WDPCP: variants seen among roughly 807,000 people sequenced by gnomAD.
WDPCP encodes the protein WD repeat containing planar cell polarity effector, also known as WD repeat-containing and planar cell polarity effector protein fritz homolog.
In WDPCP, 71 loss-of-function variants were observed where a neutral mutation model predicts 93.1. That is an observed-to-expected ratio of 0.76 (90% CI 0.63 to 0.93). WDPCP has a LOEUF of 0.93. WDPCP is among the 40% of genes least tolerant of loss of function. The probability of loss-of-function intolerance (pLI) is 0.00; values close to 1 mark genes in which losing one functional copy is unlikely to be tolerated. For missense variants in WDPCP, 844 were observed against 887.4 expected (o/e 0.95, Z 0.62); for synonymous variants, 315 against 315.0 (o/e 1.00, Z 0.00).
At chr2:63,411,351 C>A (rs753768645) in intron 9 of WDPCP, among the ~76,000 whole-genome samples, 2 of 152,002 alleles carry the variant, frequency 1.3e-5, no homozygotes, top group African/African-American at 4.8e-5. Context: ...AATGACACAA[C>A]CTACAAAAAC....
At chr2:63,462,179 G>A (rs1326771967) in intron 6 of WDPCP, among the ~76,000 whole-genome samples, 1 of 152,220 alleles carries the variant, frequency 6.6e-6, no homozygotes, top group Non-Finnish European at 1.5e-5. Flanking sequence ...CATAAAAAAG[G>A]ATGAGTTCAT....
At position 63,588,433 on chromosome 2, in the gene WDPCP, C is replaced by T; in HGVS notation, c.-162G>A. 2.6e-6 allele frequency: 2 copies of T among 780,258 alleles called. No homozygotes were observed. The highest frequency in any genetic ancestry group is 2.5e-4 in the Middle Eastern group (1 of 4,014). 48.3% of individuals were successfully genotyped at this position (780,258 alleles called of 1,614,324 possible). Reference sequence around the variant, plus strand: ...CCAGGGTGTGCGTGCGCTCCCGCCTCGTCGCTTAGCAACCTGAGAAGCTGT... The same window carrying T: ...CCAGGGTGTGCGTGCGCTCCCGCCTTGTCGCTTAGCAACCTGAGAAGCTGT... On this transcript the variant is annotated 5_prime_UTR_variant, in exon 1 of 18. Transcript: ENST00000272321.
intron 1 of WDPCP, among the ~76,000 whole-genome samples, chr2:63,506,723 C>G (rs1259563291): frequency 6.6e-6 from 1 of 152,050 alleles, no homozygotes; most frequent in Non-Finnish European, 1.5e-5. Context: ...ACTTAGAATT[C>G]TAGGTGCTCT....
At chr2:63,408,111 C>G (rs994516573) in intron 9 of WDPCP, among the ~76,000 whole-genome samples, 2 of 152,124 alleles carry the variant, frequency 1.3e-5, no homozygotes, top group Admixed American at 6.6e-5. Flanking sequence ...AGTGCACCTC[C>G]AGACAGAGCA....
chr2:63,253,464 G>A (rs746591497), intron 14 of WDPCP, among the ~76,000 whole-genome samples: 1 of 152,082 alleles, frequency 6.6e-6, no homozygotes, highest in Non-Finnish European at 1.5e-5. Flanking sequence ...CCTACAGAAT[G>A]AGAGAAAATA....
At chr2:63,643,923 G>A (rs147415360) in intron 3 of WDPCP, 5 of 506,532 alleles carry the variant, frequency 9.9e-6, no homozygotes, top group African/African-American at 5.8e-5. Context: ...ATGACAGGGA[G>A]GTACTTTCTC....
In WDPCP at chr2:63,769,388, G is replaced by A. The variant is rs535108864; in HGVS notation, n.308+44234C>T. Reference sequence around the variant, plus strand: ...GCATTGATCACATGACCAGGATAATGTAAAGTTTATATGGAGTATAGTTTG... The same window carrying A: ...GCATTGATCACATGACCAGGATAATATAAAGTTTATATGGAGTATAGTTTG... On this transcript the variant is annotated intron_variant and non_coding_transcript_variant, in intron 2 of 4. Transcript: ENST00000467687. 5.9e-5 allele frequency among the ~76,000 whole-genome samples: 9 copies of A among 152,104 alleles called. No individual in the cohort carries two copies. In the East Asian group the frequency reaches 1.5e-3, roughly 26 times the overall value.
chr2:63,463,149 C>CAA (rs76868317), intron 6 of WDPCP, among the ~76,000 whole-genome samples: 2 of 121,488 alleles, frequency 1.6e-5, no homozygotes, highest in Non-Finnish European at 1.8e-5. Context: ...CTGAAAGAAC[C>CAA]AAAAAAAAAA....
intron 9 of WDPCP, among the ~76,000 whole-genome samples, chr2:63,420,720 T>G (rs1240908990): frequency 6.6e-6 from 1 of 152,204 alleles, no homozygotes; most frequent in East Asian, 1.9e-4. Context: ...TTTTAAAATT[T>G]TATGTAAATG....
intron 17 of WDPCP, among the ~76,000 whole-genome samples, chr2:63,127,121 CTTTTTT>C (rs66754554): frequency 8.3e-6 from 1 of 119,852 alleles, no homozygotes. Context: ...ACATATTTAA[CTTTTTT>C]TTTTTTTTTT....
intron 6 of WDPCP, among the ~76,000 whole-genome samples, chr2:63,455,434 ATAT>A (rs1698555070): frequency 6.7e-6 from 1 of 149,948 alleles, no homozygotes; most frequent in Non-Finnish European, 1.5e-5. Flanking sequence ...ATATATATAT[ATAT>A]ATACACACAC....
chr2:63,822,857 T>TTTG (rs1671043442), intron 1 of WDPCP, among the ~76,000 whole-genome samples: 1 of 151,204 alleles, frequency 6.6e-6, no homozygotes, highest in South Asian at 2.1e-4. Flanking sequence ...TCTCTAAATA[T>TTTG]ATATATATAT....
intron 12 of WDPCP, among the ~76,000 whole-genome samples, chr2:63,370,092 T>C (rs528741367): frequency 3.3e-5 from 5 of 152,290 alleles, no homozygotes; most frequent in African/African-American, 1.2e-4. Flanking sequence ...TATACCTATA[T>C]TATGTCAATT....
intron 3 of WDPCP, among the ~76,000 whole-genome samples, chr2:63,603,003 AGGCTGGAGTGCAATG>A (rs1709457377): frequency 6.9e-6 from 1 of 144,738 alleles, no homozygotes; most frequent in African/African-American, 2.5e-5. Flanking sequence ...CCTGTCGCCT[AGGCTGGAGTGCAATG>A]GCACGATCTC....
At chr2:63,432,463 C>T (rs1329527589) in intron 9 of WDPCP, among the ~76,000 whole-genome samples, 1 of 151,988 alleles carries the variant, frequency 6.6e-6, no homozygotes, top group Non-Finnish European at 1.5e-5. Flanking sequence ...ATTCATATCC[C>T]CTGGTATGAA....
At chr2:63,799,420 C>A (rs577268727) in intron 2 of WDPCP, among the ~76,000 whole-genome samples, 93 of 152,272 alleles carry the variant, frequency 6.1e-4, no homozygotes, top group African/African-American at 2.0e-3. Context: ...TGCCCAAGAT[C>A]TCAGAGTTAG....
intron 1 of WDPCP, among the ~76,000 whole-genome samples, chr2:63,512,091 G>A (rs1702272209): frequency 1.3e-5 from 2 of 152,096 alleles, no homozygotes; most frequent in Non-Finnish European, 2.9e-5. Flanking sequence ...GATATAAACA[G>A]ACACTTTTCA....
intron 1 of WDPCP, among the ~76,000 whole-genome samples, chr2:63,563,498 A>G (rs1458546098): frequency 6.6e-6 from 1 of 151,982 alleles, no homozygotes; most frequent in African/African-American, 2.4e-5. Flanking sequence ...AAATGTGTAG[A>G]TGGGGCAAAT....
intron 12 of WDPCP, among the ~76,000 whole-genome samples, chr2:63,326,514 G>A (rs572115366): frequency 2.6e-5 from 4 of 152,054 alleles, no homozygotes; most frequent in African/African-American, 9.7e-5. Flanking sequence ...CAGCAGAAAG[G>A]AAAGAGAGAA....
Sources: gnomAD v4.1 joint callset for allele counts (sites outside exome capture counted in the v4.1 genomes callset) on GRCh38, gnomAD v4.1.1 for gene constraint, MANE v1.5 for transcripts, NCBI Gene and HGNC (gene_info 2026-07-23, HGNC 2026-07-21) for gene names.